Variants in TGFBRAP1 observed in about 807,000 individuals in gnomAD.
The protein encoded by TGFBRAP1 is transforming growth factor beta receptor associated protein 1.
A neutral mutation model predicts 83.2 loss-of-function variants in TGFBRAP1; 20 were observed. The ratio of observed to expected loss-of-function variants is 0.24; its 90% CI spans 0.17 to 0.35. The LOEUF (loss-of-function observed/expected upper bound fraction) is 0.35, where lower values mean the gene tolerates loss of function less well. Among genes scored for constraint, TGFBRAP1 ranks in the 10% least tolerant of loss-of-function variants. The pLI is 1.00. For synonymous variants in TGFBRAP1, 415 were observed against 459.8 expected, an observed-to-expected ratio of 0.90 and a Z score of 1.25; for missense variants, 950 against 1,099.4, an observed-to-expected ratio of 0.86 and a Z score of 1.92.
chr2:105,316,739 G>A (rs1183476908), intron 1 of TGFBRAP1, among the ~76,000 whole-genome samples: 1 of 151,760 alleles, frequency 6.6e-6, no homozygotes, highest in Non-Finnish European at 1.5e-5. Context: ...GTTTGAACCT[G>A]GGAGGCGGAG....
At chr2:105,278,068 ATGTGTGTG>A (rs56983977) in intron 6 of TGFBRAP1, among the ~76,000 whole-genome samples, 25,942 of 145,290 alleles carry the variant, frequency 0.18, 2,389 homozygotes, top group Middle Eastern at 0.25. Flanking sequence ...CAAAAAATAT[ATGTGTGTG>A]TGTGTGTGTG....
chr2:105,298,144 C>A (rs1354883191), intron 3 of TGFBRAP1, among the ~76,000 whole-genome samples: 3 of 152,092 alleles, frequency 2.0e-5, no homozygotes, highest in African/African-American at 7.2e-5. Context: ...TCGCATACAC[C>A]TTTCTCTCTA....
intron 4 of TGFBRAP1, among the ~76,000 whole-genome samples, chr2:105,295,809 CAAAAAAAAAAAA>C (rs368369527): frequency 2.7e-5 from 2 of 74,972 alleles, no homozygotes; most frequent in South Asian, 5.3e-4. Flanking sequence ...GACTCCATCT[CAAAAAAAAAAAA>C]AAAAAAAAAA....
chr2:105,250,627 C>CTCTCCCTCTCCCCACGG, the TGFBRAP1 span, among the ~76,000 whole-genome samples: 1 of 147,858 alleles, frequency 6.8e-6, no homozygotes, highest in African/African-American at 2.5e-5. Flanking sequence ...CTCCCTCTCC[C>CTCTCCCTCTCCCCACGG]TCTCCCTCTC....
rs150711114 is a variant in TGFBRAP1, at chr2:105,293,642, T to A, written c.1038+2714A>T. On this transcript the variant is annotated intron_variant, in intron 4 of 11. Coordinates refer to ENST00000393359, the MANE Select transcript of TGFBRAP1 (RefSeq NM_004257.6). Reference sequence around the variant, plus strand: ...AATGTAGTTAACCATATGAGCTGAATATAATCCTTTAAAACATACACATTT... The same window carrying A: ...AATGTAGTTAACCATATGAGCTGAAAATAATCCTTTAAAACATACACATTT... Among the ~76,000 whole-genome samples, 212 of 152,354 alleles carry A rather than the reference T, an allele frequency of 1.4e-3. 2 individuals carry two copies. The highest frequency in any genetic ancestry group is 5.0e-3 in the African/African-American group (209 of 41,580).
At chr2:105,286,886 C>A (rs1288980012) in intron 4 of TGFBRAP1, among the ~76,000 whole-genome samples, 1 of 152,182 alleles carries the variant, frequency 6.6e-6, no homozygotes, top group Non-Finnish European at 1.5e-5. Context: ...CCAAGTTAAA[C>A]ATAACACAAG....
rs1676969462 is a variant in TGFBRAP1, at chr2:105,267,175, TAC to T, written c.*206_*207del. On this transcript the variant is annotated 3_prime_UTR_variant, in exon 12 of 12. Transcript: ENST00000393359. ...TGGGGATTTTTAGGGGTTTTCCATGTACATTCATAGAGCCTGGTCATTCCATG... is the reference window on the plus strand; with the variant it reads ...TGGGGATTTTTAGGGGTTTTCCATGTATTCATAGAGCCTGGTCATTCCATG... 6 of 33,148 alleles carry T rather than the reference TAC, an allele frequency of 1.8e-4. No homozygotes were observed. The highest frequency in any genetic ancestry group is 1.7e-3 in the African/African-American group (5 of 2,858). The allele number at this position is 33,148 out of a possible 1,614,324, so 2.1% of individuals were successfully genotyped here. A position where few individuals can be genotyped will look rare whatever the true frequency, so the allele number is the denominator to read the frequency against.
intron 2 of TGFBRAP1, among the ~76,000 whole-genome samples, chr2:105,303,004 G>C (rs926325252): frequency 6.6e-6 from 1 of 152,216 alleles, no homozygotes; most frequent in Non-Finnish European, 1.5e-5. Context: ...TGTATGTACT[G>C]TGGGATAAAT....
chr2:105,296,008 C>G (rs1324846688), intron 4 of TGFBRAP1, among the ~76,000 whole-genome samples: 1 of 152,104 alleles, frequency 6.6e-6, no homozygotes, highest in East Asian at 1.9e-4. Flanking sequence ...CCTGACCTCA[C>G]TCTTTTGCTT....
At chr2:105,304,078 C>T (rs894836727) in intron 2 of TGFBRAP1, among the ~76,000 whole-genome samples, 8 of 151,968 alleles carry the variant, frequency 5.3e-5, no homozygotes, top group Non-Finnish European at 8.8e-5. Context: ...ATATTTACAT[C>T]GATTATGGTG....
chr2:105,292,743 G>C (rs1677955712), intron 4 of TGFBRAP1, among the ~76,000 whole-genome samples: 1 of 152,122 alleles, frequency 6.6e-6, no homozygotes, highest in Non-Finnish European at 1.5e-5. Context: ...GAGTGAAGGA[G>C]AGAAACTGAG....
chr2:105,306,554 T>C (rs763229557), intron 2 of TGFBRAP1, among the ~76,000 whole-genome samples: 11 of 151,798 alleles, frequency 7.2e-5, no homozygotes, highest in Non-Finnish European at 1.2e-4. Context: ...TCCCAGCACT[T>C]TGGGAGGCCG....
intron 3 of TGFBRAP1, 59 bp from the exon 4 acceptor site, chr2:105,296,569 C>T (rs1165551217): frequency 1.3e-6 from 2 of 1,565,080 alleles, no homozygotes; most frequent in Non-Finnish European, 1.7e-6. Context: ...CAAAAAAACA[C>T]ACTGCTTTCC....
intron 1 of TGFBRAP1, among the ~76,000 whole-genome samples, chr2:105,311,493 G>A (rs879380988): frequency 6.6e-5 from 10 of 152,140 alleles, no homozygotes; most frequent in Admixed American, 4.6e-4. Context: ...GCTGAGGTAG[G>A]AGGGTTGCTT....
At chr2:105,253,881 T>C in the TGFBRAP1 span, among the ~76,000 whole-genome samples, 6 of 152,234 alleles carry the variant, frequency 3.9e-5, no homozygotes, top group African/African-American at 1.4e-4. Flanking sequence ...AAAAATATGC[T>C]TTTTCTTTTG....
At chr2:105,261,393 C>A (rs1012440683), downstream of TGFBRAP1, among the ~76,000 whole-genome samples, 2 of 152,072 alleles carry the variant, frequency 1.3e-5, no homozygotes, top group Non-Finnish European at 2.9e-5. Context: ...ATATTTCAAG[C>A]AAGACAAATG....
chr2:105,260,649 A>G (rs1171663164), downstream of TGFBRAP1, among the ~76,000 whole-genome samples: 1 of 152,188 alleles, frequency 6.6e-6, no homozygotes, highest in Non-Finnish European at 1.5e-5. Context: ...GGATGATACA[A>G]AAAGTTCTGG....
the TGFBRAP1 span, among the ~76,000 whole-genome samples, chr2:105,258,889 C>T: frequency 2.0e-5 from 3 of 152,190 alleles, no homozygotes; most frequent in Non-Finnish European, 2.9e-5. Flanking sequence ...TCGGTTGCTG[C>T]TTAAGAAGCA....
chr2:105,273,394 G>T, intron 9 of TGFBRAP1, 150 bp downstream of exon 9: 1 of 1,082,398 alleles, frequency 9.2e-7, no homozygotes, highest in Non-Finnish European at 1.3e-6. Flanking sequence ...GTCTCTTTCC[G>T]CAAGCCTCAA....
Sources: gnomAD v4.1 joint callset for allele counts (sites outside exome capture counted in the v4.1 genomes callset) on GRCh38, gnomAD v4.1.1 for gene constraint, MANE v1.5 for transcripts, NCBI Gene and HGNC (gene_info 2026-07-23, HGNC 2026-07-21) for gene names.